TSBP1: variants seen among roughly 807,000 people sequenced by gnomAD.
TSBP1 encodes the protein testis expressed basic protein 1, also known as testis-expressed basic protein 1.
A neutral mutation model predicts 68.8 loss-of-function variants in TSBP1; 56 were observed. The observed-to-expected ratio is 0.81, with a 90% CI of 0.66 to 1.02. The LOEUF (loss-of-function observed/expected upper bound fraction) is 1.02. TSBP1 is among the 50% of genes least tolerant of loss of function. The pLI is 0.00. For missense variants in TSBP1, 502 were observed against 641.2 expected (o/e 0.78, Z 2.34); for synonymous variants, 171 against 208.7 (o/e 0.82, Z 1.56).
At position 32,314,530 on chromosome 6, in the gene TSBP1, G is replaced by C. The variant is rs1308828325; in HGVS notation, c.580+1242C>G. Among the ~76,000 whole-genome samples, 1 of 152,164 alleles carries C rather than the reference G, an allele frequency of 6.6e-6. No individual in the cohort carries two copies. The highest frequency in any genetic ancestry group is 6.5e-5 in the Admixed American group (1 of 15,286). On this transcript the variant is annotated intron_variant, in intron 19 of 22. Transcript: ENST00000612031. This position sits in a 1 kb window ranked among gnomAD's most constrained non-coding sequence, Gnocchi z 4.2. Reference sequence around the variant, plus strand: ...AACCACTGAGTATGTATTTTCATCTGTGCAGTGAGAATACTTAGCTGATCA... The same window carrying C: ...AACCACTGAGTATGTATTTTCATCTCTGCAGTGAGAATACTTAGCTGATCA...
At chr6:32,323,259 G>C in intron 17 of TSBP1, 122 bp from the exon 19 acceptor site, 2 of 692,850 alleles carry the variant, frequency 2.9e-6, no homozygotes, top group Non-Finnish European at 5.2e-6. Context: ...ATGATTCTAT[G>C]ACTATGTATT....
Position 32,316,478 on chromosome 6 carries a change from T to G in TSBP1, c.560-686A>C. 3 of 1,369,854 alleles carry G rather than the reference T, an allele frequency of 2.2e-6. No individual in the cohort carries two copies. Among genetic ancestry groups the G allele is most frequent in the South Asian group, 1.3e-5 (1 of 79,206 alleles). The allele number at this position is 1,369,854 out of a possible 1,614,324, so 84.9% of individuals were successfully genotyped here. ...GAGCAAGTTTCCTTCTAGGGAGAGA[T>G]ATTTGTGTTGGGGAGAATCTTGGTA... On this transcript the variant is annotated intron_variant, in intron 18 of 22. Transcript: ENST00000612031. This position sits in a 1 kb window ranked among gnomAD's most constrained non-coding sequence, Gnocchi z 4.5.
Position 32,340,720 on chromosome 6 carries a change from G to A in TSBP1, c.350-1082C>T, listed in dbSNP as rs1770234157. Among the ~76,000 whole-genome samples the A allele has an allele frequency of 6.6e-6, 1 of 152,148 alleles. No individual in the cohort carries two copies. Among genetic ancestry groups the A allele is most frequent in the Non-Finnish European group, 1.5e-5 (1 of 68,032 alleles). ...TGATTTCTGCCACAGGCAAAGGCAT[G>A]AGCAGAAATGTAACACAGGTCATAT... On this transcript the variant is annotated intron_variant, in intron 9 of 22. Transcript: ENST00000612031. The surrounding 1 kb of genome is among the most constrained non-coding windows in gnomAD (Gnocchi z 4.8).
chr6:32,359,045 T>C (rs1772681836), intron 6 of TSBP1, among the ~76,000 whole-genome samples: 1 of 149,882 alleles, frequency 6.7e-6, no homozygotes, highest in South Asian at 2.2e-4. Flanking sequence ...ATTAGGTATA[T>C]CTCCCAATGC....
In TSBP1 at chr6:32,314,280, A is replaced by AC. The variant is rs1348591842; in HGVS notation, c.580+1491dup. Among the ~76,000 whole-genome samples, 1 of 151,622 alleles carries AC rather than the reference A, an allele frequency of 6.6e-6. No homozygotes were observed. Among genetic ancestry groups the AC allele is most frequent in the Non-Finnish European group, 1.5e-5 (1 of 67,908 alleles). On this transcript the variant is annotated intron_variant, in intron 19 of 22. Transcript: ENST00000612031. This position sits in a 1 kb window ranked among gnomAD's most constrained non-coding sequence, Gnocchi z 4.2. ...TGGCATTCCTTTTTTCTTTCTCCCT[A>AC]CCCCTCGGGTGTTGGATTTTTACAT...
chr6:32,348,998 C>G (rs563939377), intron 9 of TSBP1, among the ~76,000 whole-genome samples: 29 of 152,050 alleles, frequency 1.9e-4, no homozygotes, highest in Non-Finnish European at 3.8e-4. Context: ...TAATTTTAGA[C>G]AAAATGCTCA....
chr6:32,327,192 C>T, intron 16 of TSBP1, among the ~76,000 whole-genome samples: 1 of 152,140 alleles, frequency 6.6e-6, no homozygotes, highest in Non-Finnish European at 1.5e-5. Flanking sequence ...TGAGTTTCTA[C>T]ACACACAAGA....
chr6:32,371,505 C>G (rs1774421915), intron 1 of TSBP1, among the ~76,000 whole-genome samples, 189 bp downstream of exon 1: 1 of 152,164 alleles, frequency 6.6e-6, no homozygotes, highest in African/African-American at 2.4e-5. Flanking sequence ...CAGCCTAGAG[C>G]TTAGTTAACT....
chr6:32,294,391 A>G (rs564267328), intron 22 of TSBP1, among the ~76,000 whole-genome samples: 1 of 152,324 alleles, frequency 6.6e-6, no homozygotes, highest in Non-Finnish European at 1.5e-5. Flanking sequence ...GGGAGGAAGC[A>G]ATAATTATAT....
chr6:32,337,266 C>G lies in TSBP1; in HGVS notation c.410-631G>C, dbSNP rs1335533239. 6.6e-6 allele frequency among the ~76,000 whole-genome samples: 1 copy of G among 152,144 alleles called. No homozygotes were observed. The highest frequency in any genetic ancestry group is 2.4e-5 in the African/African-American group (1 of 41,428). On this transcript the variant is annotated intron_variant, in intron 11 of 22. Coordinates refer to ENST00000612031, the Ensembl canonical transcript of TSBP1. This position sits in a 1 kb window ranked among gnomAD's most constrained non-coding sequence, Gnocchi z 5.5. ...GAGGAACAAATTAAGTTTATAAATGCTTCTTTCTTCATCTTGGAGGATCCC... is the reference window on the plus strand; with the variant it reads ...GAGGAACAAATTAAGTTTATAAATGGTTCTTTCTTCATCTTGGAGGATCCC...
exon 23 of TSBP1, chr6:32,293,175 C>T: frequency 6.2e-7 from 1 of 1,608,248 alleles, no homozygotes; most frequent in Non-Finnish European, 8.5e-7. Context: ...TTTTCTTTAT[C>T]ATTATTTCCT....
chr6:32,340,615 A>G lies in TSBP1; in HGVS notation c.350-977T>C, dbSNP rs1770216561. 6.6e-6 allele frequency among the ~76,000 whole-genome samples: 1 copy of G among 152,216 alleles called. No homozygotes were observed. The highest frequency in any genetic ancestry group is 1.5e-5 in the Non-Finnish European group (1 of 68,038). ...AGTTATGCATATTTAATTTTGATCA[A>G]TTATTAATGACTATCTGGAGATGAC... On this transcript the variant is annotated intron_variant, in intron 9 of 22. Coordinates refer to ENST00000612031, the Ensembl canonical transcript of TSBP1. This position sits in a 1 kb window ranked among gnomAD's most constrained non-coding sequence, Gnocchi z 4.8.
At chr6:32,305,198 T>C (rs1253538482) in intron 19 of TSBP1, among the ~76,000 whole-genome samples, 3 of 152,188 alleles carry the variant, frequency 2.0e-5, no homozygotes, top group African/African-American at 7.2e-5. Context: ...AACAAGTTTA[T>C]TGGGGGGTCT....
chr6:32,359,039 G>A (rs1457950169), intron 6 of TSBP1, among the ~76,000 whole-genome samples: 1 of 150,072 alleles, frequency 6.7e-6, no homozygotes, highest in African/African-American at 2.5e-5. Flanking sequence ...TCTAGCATTA[G>A]GTATATCTCC....
At chr6:32,313,495 T>C (rs3017180) in intron 19 of TSBP1, among the ~76,000 whole-genome samples, 13 of 152,142 alleles carry the variant, frequency 8.5e-5, no homozygotes, top group South Asian at 2.1e-4. Flanking sequence ...CTGTTAGGTT[T>C]CTTATTTTAG....
intron 4 of TSBP1, 182 bp from the exon 5 acceptor site, chr6:32,366,484 C>A: frequency 1.5e-6 from 1 of 689,038 alleles, no homozygotes; most frequent in Non-Finnish European, 2.5e-6. Context: ...GTTTATCGGG[C>A]CGGGCGTGGT....
chr6:32,348,068 C>G (rs1379684626), intron 9 of TSBP1, among the ~76,000 whole-genome samples: 1 of 152,130 alleles, frequency 6.6e-6, no homozygotes, highest in Non-Finnish European at 1.5e-5. Flanking sequence ...TATTTGTTTG[C>G]TTATGTGTTT....
chr6:32,338,702 C>T lies in TSBP1; in HGVS notation c.409+277G>A, dbSNP rs1769959407. Among the ~76,000 whole-genome samples the T allele has an allele frequency of 6.6e-6, 1 of 152,118 alleles. No individual in the cohort carries two copies. Among genetic ancestry groups the T allele is most frequent in the Non-Finnish European group, 1.5e-5 (1 of 68,014 alleles). On this transcript the variant is annotated intron_variant, in intron 11 of 22. Coordinates refer to ENST00000612031, the Ensembl canonical transcript of TSBP1. The surrounding 1 kb of genome is among the most constrained non-coding windows in gnomAD (Gnocchi z 5.5). ...TTCTTTGAGTGTTACTGGGTTTTCT[C>T]ACAGGGGAATCTTTCTTCCTTTCAC...
At chr6:32,319,087 A>G (rs941845653) in intron 18 of TSBP1, among the ~76,000 whole-genome samples, 19 of 152,182 alleles carry the variant, frequency 1.2e-4, no homozygotes, top group African/African-American at 4.1e-4. Context: ...CTAGAACCTA[A>G]CATATGCAAA....
Sources: allele counts gnomAD v4.1 joint callset (sites outside exome capture counted in the v4.1 genomes callset), GRCh38; gene constraint gnomAD v4.1.1; non-coding constraint Gnocchi (gnomAD v3.1); transcripts MANE v1.5; gene names NCBI Gene and HGNC (gene_info 2026-07-23, HGNC 2026-07-21).